Variants in PTPRT observed in about 807,000 individuals in gnomAD.
PTPRT encodes the protein receptor-type tyrosine-protein phosphatase T.
PTPRT carries 56 observed loss-of-function variants against 176.8 expected under a neutral mutation model. The ratio of observed to expected loss-of-function variants is 0.32; its 90% CI spans 0.26 to 0.40. The LOEUF (loss-of-function observed/expected upper bound fraction) is 0.40. PTPRT is among the 10% of genes least tolerant of loss of function. PTPRT has a pLI of 1.00. For missense variants in PTPRT, 1,540 were observed against 1,908.2 expected (o/e 0.81, Z 3.60); for synonymous variants, 783 against 739.0 (o/e 1.06, Z -0.96).
intron 6 of PTPRT, chr20:42,687,551 A>C (rs891426214): frequency 6.6e-6 from 1 of 152,210 alleles, no homozygotes; most frequent in Non-Finnish European, 1.5e-5. Context: ...TTGCCTGCTA[A>C]TCAGGAGTCC....
intron 9 of PTPRT, among the ~76,000 whole-genome samples, chr20:42,440,859 C>T (rs1376793552): frequency 1.3e-5 from 2 of 152,174 alleles, no homozygotes; most frequent in Admixed American, 6.5e-5. Context: ...TGAAAGGCAT[C>T]GGCTGGGGAA....
At chr20:42,056,905 C>G in the PTPRT span, among the ~76,000 whole-genome samples, 1 of 152,078 alleles carries the variant, frequency 6.6e-6, no homozygotes, top group African/African-American at 2.4e-5. Flanking sequence ...CCAAATGGAC[C>G]CTCCCCATCC....
chr20:42,459,350 T>C (rs993976715), intron 8 of PTPRT, among the ~76,000 whole-genome samples: 1 of 152,090 alleles, frequency 6.6e-6, no homozygotes, highest in Non-Finnish European at 1.5e-5. Flanking sequence ...TTAATGTGAG[T>C]GACAAGAGAA....
chr20:42,681,394 A>T (rs2075601763), intron 6 of PTPRT, among the ~76,000 whole-genome samples: 1 of 152,188 alleles, frequency 6.6e-6, no homozygotes, highest in East Asian at 1.9e-4. Flanking sequence ...TGGCAGAGGC[A>T]GTTTTGAAGC....
At chr20:42,676,415 G>A (rs778977670) in intron 7 of PTPRT, among the ~76,000 whole-genome samples, 1 of 152,024 alleles carries the variant, frequency 6.6e-6, no homozygotes, top group Non-Finnish European at 1.5e-5. Flanking sequence ...TTCCTGTACT[G>A]ATGGGTCCTT....
intron 16 of PTPRT, among the ~76,000 whole-genome samples, chr20:42,185,670 C>G (rs1004668484): frequency 6.6e-6 from 1 of 152,128 alleles, no homozygotes; most frequent in African/African-American, 2.4e-5. Context: ...GTCAGTTGTA[C>G]TGAGCTTTCT....
In PTPRT at chr20:42,076,928, C is replaced by T. The variant is rs530850862; in HGVS notation, c.*3951G>A. 6 of 196,876 alleles carry T rather than the reference C, an allele frequency of 3.0e-5. No individual in the cohort carries two copies. In the South Asian group the frequency reaches 9.6e-4, roughly 32 times the overall value. 12.2% of individuals were successfully genotyped at this position (196,876 alleles called of 1,614,324 possible). On this transcript the variant is annotated 3_prime_UTR_variant, in exon 31 of 31. Coordinates refer to ENST00000373187, the MANE Select transcript of PTPRT (RefSeq NM_007050.6). ...TAGTCTCTTCTGTTATGGGTAACCTCCTGGGAAAAATGTGAGATACAATGG... is the reference window on the plus strand; with the variant it reads ...TAGTCTCTTCTGTTATGGGTAACCTTCTGGGAAAAATGTGAGATACAATGG...
intron 7 of PTPRT, among the ~76,000 whole-genome samples, chr20:42,656,483 A>C (rs900872525): frequency 6.6e-6 from 1 of 152,158 alleles, no homozygotes; most frequent in African/African-American, 2.4e-5. Flanking sequence ...TGTCTCAGGA[A>C]AACAGAGAAG....
In PTPRT at chr20:42,615,234, A is replaced by G. The variant is rs930943047; in HGVS notation, c.1153+62632T>C. ...AGTTTACTGAGAATGATGATTTCCA[A>G]TTTCATCCATGTCCCTACAAAGGAC... On this transcript the variant is annotated intron_variant, in intron 7 of 30. Transcript: ENST00000373187. Among the ~76,000 whole-genome samples the G allele has an allele frequency of 5.2e-5, 7 of 134,196 alleles. 1 individual carries two copies. The highest frequency in any genetic ancestry group is 1.1e-4 in the Non-Finnish European group (7 of 64,698). The allele number at this position is 134,196 out of a possible 152,430, so 88.0% of individuals were successfully genotyped here. A position where few individuals can be genotyped will look rare whatever the true frequency, so the allele number is the denominator to read the frequency against.
At chr20:42,119,292 G>A (rs986100056) in intron 20 of PTPRT, among the ~76,000 whole-genome samples, 44 of 152,154 alleles carry the variant, frequency 2.9e-4, no homozygotes, top group African/African-American at 9.9e-4. Flanking sequence ...TAATAGCTGC[G>A]AAGTTTTCTA....
chr20:42,097,937 G>A (rs894589807), intron 27 of PTPRT, among the ~76,000 whole-genome samples: 8 of 152,200 alleles, frequency 5.3e-5, no homozygotes, highest in Non-Finnish European at 8.8e-5. Context: ...AAGGTCAACC[G>A]TGAGGAACTG....
intron 1 of PTPRT, among the ~76,000 whole-genome samples, chr20:43,127,870 G>A (rs1568801309): frequency 6.6e-6 from 1 of 152,194 alleles, no homozygotes; most frequent in South Asian, 2.1e-4. Context: ...GCTAGACTTA[G>A]GCTAACCTCT....
intron 7 of PTPRT, among the ~76,000 whole-genome samples, chr20:42,613,712 T>C (rs1482785531): frequency 6.6e-6 from 1 of 152,170 alleles, no homozygotes; most frequent in African/African-American, 2.4e-5. Flanking sequence ...CTACTCACAA[T>C]TACAACTGTC....
chr20:42,310,047 T>A (rs1478983112), intron 12 of PTPRT, among the ~76,000 whole-genome samples: 6 of 152,184 alleles, frequency 3.9e-5, no homozygotes, highest in African/African-American at 1.4e-4. Flanking sequence ...AGGTACTAGC[T>A]CTGCAAACAG....
chr20:42,800,256 CA>C (rs1254129658), intron 2 of PTPRT, among the ~76,000 whole-genome samples: 1 of 152,176 alleles, frequency 6.6e-6, no homozygotes, highest in African/African-American at 2.4e-5. Context: ...TTATAATTCT[CA>C]TTTAGCTGCT....
At chr20:42,048,475 T>A in the PTPRT span, among the ~76,000 whole-genome samples, 1 of 152,148 alleles carries the variant, frequency 6.6e-6, no homozygotes. Flanking sequence ...TTGGTTCTTT[T>A]GGGGCACTCA....
intron 9 of PTPRT, among the ~76,000 whole-genome samples, chr20:42,421,390 A>G (rs2059117844): frequency 6.6e-6 from 1 of 152,136 alleles, no homozygotes; most frequent in African/African-American, 2.4e-5. Flanking sequence ...TTATTTGGGA[A>G]AAGTGTGGAG....
intron 2 of PTPRT, among the ~76,000 whole-genome samples, chr20:42,837,228 C>G (rs1180425656): frequency 6.6e-6 from 1 of 152,222 alleles, no homozygotes; most frequent in Non-Finnish European, 1.5e-5. Context: ...AGAGGCCCAT[C>G]CGGAGGACCC....
intron 1 of PTPRT, among the ~76,000 whole-genome samples, chr20:43,032,695 C>T (rs1986196848): frequency 6.6e-6 from 1 of 152,134 alleles, no homozygotes; most frequent in Admixed American, 6.5e-5. Flanking sequence ...GAGATCAAAG[C>T]AGATCTGTGC....
Sources: gnomAD v4.1 joint callset for allele counts (sites outside exome capture counted in the v4.1 genomes callset) on GRCh38, gnomAD v4.1.1 for gene constraint, MANE v1.5 for transcripts, NCBI Gene and HGNC (gene_info 2026-07-23, HGNC 2026-07-21) for gene names.